The following LRBA variants were observed in gnomAD, a reference collection of about 807,000 sequenced individuals.
The protein encoded by LRBA is lipopolysaccharide-responsive and beige-like anchor protein.
Under a neutral mutation model 330.0 loss-of-function variants are expected in LRBA, and 176 were observed. The ratio of observed to expected loss-of-function variants is 0.53; its 90% CI spans 0.47 to 0.60. The LOEUF (loss-of-function observed/expected upper bound fraction) is 0.60. Among genes scored for constraint, LRBA ranks in the 20% least tolerant of loss-of-function variants. The pLI, the probability that LRBA is intolerant of heterozygous loss-of-function variation, is 0.00. For synonymous variants in LRBA, 1,230 were observed against 1,193.0 expected, an observed-to-expected ratio of 1.03 and a Z score of -0.64; for missense variants, 3,259 against 3,444.8, an observed-to-expected ratio of 0.95 and a Z score of 1.35.
At chr4:150,689,423 C>G (rs541018658) in intron 36 of LRBA, among the ~76,000 whole-genome samples, 1 of 151,816 alleles carries the variant, frequency 6.6e-6, no homozygotes, top group East Asian at 1.9e-4. Flanking sequence ...CAAACCTGCA[C>G]ATTCTGCACA....
intron 37 of LRBA, among the ~76,000 whole-genome samples, chr4:150,639,831 A>ATGTGTGTGTATG (rs1778457015): frequency 5.7e-5 from 1 of 17,646 alleles, no homozygotes; most frequent in African/African-American, 1.2e-4. Flanking sequence ...ATATATATAT[A>ATGTGTGTGTATG]TATATATATA....
intron 37 of LRBA, among the ~76,000 whole-genome samples, chr4:150,622,529 C>T (rs920515591): frequency 6.6e-6 from 1 of 151,860 alleles, no homozygotes; most frequent in Non-Finnish European, 1.5e-5. Flanking sequence ...AGAGGAAGAC[C>T]CTGTCTATAA....
At chr4:150,909,543 T>A (rs1448370156) in intron 9 of LRBA, among the ~76,000 whole-genome samples, 1 of 152,160 alleles carries the variant, frequency 6.6e-6, no homozygotes, top group Non-Finnish European at 1.5e-5. Flanking sequence ...CTACTGGACA[T>A]GTGGGTTACT....
At position 150,612,471 on chromosome 4, in the gene LRBA, C is replaced by T. The variant is rs543614379; in HGVS notation, c.5922-13340G>A. Among the ~76,000 whole-genome samples the T allele has an allele frequency of 3.3e-5, 5 of 152,258 alleles. No individual in the cohort carries two copies. The South Asian group carries it at 1.0e-3, about 32-fold the overall frequency. On this transcript the variant is annotated intron_variant, in intron 37 of 56. Coordinates refer to ENST00000651943, the MANE Select transcript of LRBA (RefSeq NM_001364905.1). ...AACAAGGCTTATTATGTTACACTTC[C>T]AGGTTTTTAAGACAGTTGGAAGCCG...
chr4:150,589,064 CACACACACAG>C (rs879453939), intron 39 of LRBA, among the ~76,000 whole-genome samples: 218 of 150,588 alleles, frequency 1.4e-3, no homozygotes, highest in Non-Finnish European at 2.7e-3. Context: ...CACACACACA[CACACACACAG>C]AGAGAGAGAG....
At chr4:150,785,572 G>A (rs575317766) in intron 34 of LRBA, among the ~76,000 whole-genome samples, 52 of 152,288 alleles carry the variant, frequency 3.4e-4, no homozygotes, top group African/African-American at 1.2e-3. Flanking sequence ...GAGGTTAAAA[G>A]CAAGATGGAG....
intron 54 of LRBA, among the ~76,000 whole-genome samples, chr4:150,285,691 C>T: frequency 6.6e-6 from 1 of 152,238 alleles, no homozygotes; most frequent in South Asian, 2.1e-4. Context: ...TGTATCTGTG[C>T]TGTCCAATGT....
chr4:150,517,380 G>A (rs1459742924), intron 40 of LRBA, among the ~76,000 whole-genome samples: 1 of 152,016 alleles, frequency 6.6e-6, no homozygotes, highest in Non-Finnish European at 1.5e-5. Flanking sequence ...AATTAGCCAG[G>A]CATGGTGGCA....
intron 47 of LRBA, among the ~76,000 whole-genome samples, chr4:150,370,796 A>C (rs991972058): frequency 2.6e-5 from 4 of 152,230 alleles, no homozygotes; most frequent in African/African-American, 9.6e-5. Flanking sequence ...AACTCTCTAA[A>C]GGTTCTGCTC....
intron 48 of LRBA, among the ~76,000 whole-genome samples, chr4:150,343,305 C>G (rs550117807): frequency 6.6e-6 from 1 of 152,264 alleles, no homozygotes; most frequent in East Asian, 1.9e-4. Context: ...AGTTCTCCAC[C>G]CTCACAGCAC....
At chr4:150,902,244 T>C (rs185768365) in intron 13 of LRBA, among the ~76,000 whole-genome samples, 16 of 152,228 alleles carry the variant, frequency 1.1e-4, no homozygotes, top group Admixed American at 1.0e-3. Context: ...AGTAGTAGAA[T>C]AGACAGACAG....
chr4:150,383,057 A>C (rs921907264), intron 47 of LRBA, among the ~76,000 whole-genome samples: 43 of 152,322 alleles, frequency 2.8e-4, no homozygotes, highest in African/African-American at 1.0e-3. Flanking sequence ...ATATCCCCAA[A>C]AAGATACTTA....
chr4:150,721,247 CT>C, intron 36 of LRBA: 2 of 405,538 alleles, frequency 4.9e-6, no homozygotes, highest in Non-Finnish European at 9.5e-6. Flanking sequence ...TTCTTTTTCA[CT>C]TTTTAGATGA....
chr4:150,592,952 T>C (rs1410034719), intron 38 of LRBA, among the ~76,000 whole-genome samples: 2 of 152,032 alleles, frequency 1.3e-5, no homozygotes, highest in East Asian at 3.8e-4. Context: ...TTTTAAAGGC[T>C]AAAAAGAAAT....
chr4:150,629,763 A>T (rs1339157607), intron 37 of LRBA, among the ~76,000 whole-genome samples: 1 of 152,154 alleles, frequency 6.6e-6, no homozygotes, highest in African/African-American at 2.4e-5. Context: ...TGAAGTCAGG[A>T]GTTCCAGACC....
At chr4:150,524,903 C>T (rs1763296269) in intron 40 of LRBA, among the ~76,000 whole-genome samples, 4 of 152,146 alleles carry the variant, frequency 2.6e-5, no homozygotes, top group Admixed American at 2.0e-4. Flanking sequence ...ATCCTCTTAG[C>T]TTCTTCCCAT....
intron 8 of LRBA, 26 bp from the exon 9 acceptor site, chr4:150,914,367 T>C: frequency 6.8e-7 from 1 of 1,460,670 alleles, no homozygotes; most frequent in Non-Finnish European, 9.1e-7. Context: ...AAAAAGGAAT[T>C]AGGAAAAAAC....
At chr4:150,402,126 T>TAAA (rs545194572) in intron 47 of LRBA, among the ~76,000 whole-genome samples, 39 of 117,638 alleles carry the variant, frequency 3.3e-4, no homozygotes, top group African/African-American at 9.7e-4. Context: ...CCATCTCTAC[T>TAAA]AAAAAAAAAA....
chr4:150,671,052 G>C (rs905552315), intron 37 of LRBA, among the ~76,000 whole-genome samples: 5 of 151,544 alleles, frequency 3.3e-5, no homozygotes, highest in African/African-American at 1.2e-4. Flanking sequence ...GAGAGAGAGA[G>C]AGAGAGAGAG....
Sources: allele counts gnomAD v4.1 joint callset (sites outside exome capture counted in the v4.1 genomes callset), GRCh38; gene constraint gnomAD v4.1.1; transcripts MANE v1.5; gene names NCBI Gene and HGNC (gene_info 2026-07-23, HGNC 2026-07-21).